Variants in ABI3BP observed in about 807,000 individuals in gnomAD.
ABI3BP encodes target of Nesh-SH3.
A neutral mutation model predicts 268.6 loss-of-function variants in ABI3BP; 216 were observed. The ratio of observed to expected loss-of-function variants is 0.80; its 90% confidence interval spans 0.72 to 0.90. The LOEUF (loss-of-function observed/expected upper bound fraction) is 0.90, where lower values mean the gene tolerates loss of function less well. Among genes scored for constraint, ABI3BP ranks in the 40% least tolerant of loss-of-function variants. The pLI is 0.00. For missense variants in ABI3BP, 2,090 were observed against 2,182.4 expected, an observed-to-expected ratio of 0.96 and a Z score of 0.84; for synonymous variants, 730 against 730.0, an observed-to-expected ratio of 1.00 and a Z score of 0.00.
At chr3:100,894,789 A>AT (rs1382936890) in intron 4 of ABI3BP, among the ~76,000 whole-genome samples, 2 of 151,790 alleles carry the variant, frequency 1.3e-5, no homozygotes, top group Non-Finnish European at 2.9e-5. Context: ...AATACAAAAA[A>AT]TTAGCTAGGC....
chr3:100,766,965 T>C (rs2096297956), intron 62 of ABI3BP, among the ~76,000 whole-genome samples: 1 of 152,146 alleles, frequency 6.6e-6, no homozygotes, highest in Non-Finnish European at 1.5e-5. Context: ...AATAAAAAAC[T>C]AGAATAACCC....
In ABI3BP at chr3:100,993,321, G is replaced by A; in HGVS notation, c.64C>T (p.Gln22Ter). 3 of 1,551,560 alleles carry A rather than the reference G, an allele frequency of 1.9e-6. No individual in the cohort carries two copies. The highest frequency in any genetic ancestry group is 2.4e-5 in the East Asian group (1 of 40,954). ...GSITLALGNA[Q>*]KLPKGKRPNL... ...GGCTACTTGCCTTTTGGCAATTTCT[G>A]TGCATTTCCCAGGGCTAGTGTAATA... is the stretch of plus-strand genomic sequence containing the variant. Residue 22 changes from glutamine to a stop codon, truncating the protein, a stop_gained, in exon 1 of 68, where the codon CAG becomes TAG. Coordinates refer to ENST00000471714, the MANE Select transcript of ABI3BP (RefSeq NM_001375547.2). LOFTEE classifies it high-confidence loss of function.
chr3:100,919,769 T>A (rs2059699498), intron 2 of ABI3BP, among the ~76,000 whole-genome samples: 1 of 152,214 alleles, frequency 6.6e-6, no homozygotes, highest in Admixed American at 6.5e-5. Context: ...TTGCTAAAAA[T>A]TGCTTTATTT....
chr3:100,758,760 T>C (rs1262586004), intron 63 of ABI3BP, among the ~76,000 whole-genome samples: 1 of 152,070 alleles, frequency 6.6e-6, no homozygotes, highest in South Asian at 2.1e-4. Context: ...AAAATCAGCA[T>C]GAGAACAAAA....
intron 1 of ABI3BP, among the ~76,000 whole-genome samples, chr3:100,985,141 C>CTTTTT (rs1172049956): frequency 1.5e-4 from 12 of 79,830 alleles, no homozygotes; most frequent in East Asian, 3.4e-4. Context: ...CAGAAAAGCA[C>CTTTTT]TTTTTTTTTT....
At chr3:100,804,112 A>C (rs990404914) in intron 51 of ABI3BP, among the ~76,000 whole-genome samples, 4 of 152,166 alleles carry the variant, frequency 2.6e-5, no homozygotes, top group Non-Finnish European at 5.9e-5. Flanking sequence ...TTTTTAGAGA[A>C]AGTTGTTCAG....
At chr3:100,863,034 G>GTAGTATTT (rs1370236496) in intron 12 of ABI3BP, 125 bp from the exon 13 acceptor site, 2 of 647,264 alleles carry the variant, frequency 3.1e-6, no homozygotes, top group Non-Finnish European at 5.3e-6. Context: ...GAGACCATTA[G>GTAGTATTT]TAGTATTTCT....
At chr3:100,914,829 C>A (rs1215081634) in intron 2 of ABI3BP, among the ~76,000 whole-genome samples, 1 of 152,168 alleles carries the variant, frequency 6.6e-6, no homozygotes, top group African/African-American at 2.4e-5. Flanking sequence ...GAAGAAAAGA[C>A]ACACTTTTTC....
intron 63 of ABI3BP, among the ~76,000 whole-genome samples, chr3:100,757,541 A>G (rs2095688568): frequency 7.1e-6 from 1 of 140,938 alleles, no homozygotes; most frequent in Non-Finnish European, 1.7e-5. Flanking sequence ...ATCAAAGTAA[A>G]ACAACTTTTA....
intron 1 of ABI3BP, among the ~76,000 whole-genome samples, chr3:100,954,349 G>T (rs982850213): frequency 6.6e-6 from 1 of 152,054 alleles, no homozygotes; most frequent in Non-Finnish European, 1.5e-5. Context: ...AAAGAAGGCT[G>T]GGAATCATGA....
At chr3:100,896,373 C>A (rs776796782) in intron 4 of ABI3BP, among the ~76,000 whole-genome samples, 2 of 152,118 alleles carry the variant, frequency 1.3e-5, no homozygotes, top group African/African-American at 4.8e-5. Context: ...ACCATGGCAA[C>A]ATCTATCAAT....
chr3:100,834,605 T>C (rs1256762440), intron 29 of ABI3BP, 79 bp downstream of exon 29: 1 of 1,354,288 alleles, frequency 7.4e-7, no homozygotes, highest in Non-Finnish European at 1.0e-6. Flanking sequence ...AAGTGGGTTA[T>C]AAAGTGGCAT....
At chr3:100,923,962 C>T (rs1213186021) in intron 2 of ABI3BP, among the ~76,000 whole-genome samples, 1 of 152,142 alleles carries the variant, frequency 6.6e-6, no homozygotes, top group East Asian at 1.9e-4. Flanking sequence ...TTATGCACCT[C>T]TTTTTGTGAG....
chr3:100,940,927 G>A (rs1032598241), intron 1 of ABI3BP, among the ~76,000 whole-genome samples: 7 of 142,300 alleles, frequency 4.9e-5, no homozygotes, highest in Non-Finnish European at 9.1e-5. Flanking sequence ...GTGGACAGAT[G>A]GCATCCCTAT....
chr3:100,752,825 G>A lies in ABI3BP; in HGVS notation c.5084C>T (p.Ser1695Phe). 6.2e-7 allele frequency: 1 copy of A among 1,613,406 alleles called. No individual in the cohort carries two copies. The highest frequency in any genetic ancestry group is 8.5e-7 in the Non-Finnish European group (1 of 1,179,678). ...KKFVGVQLCN[S>F]LRYKIYLSDS... is the part of the protein sequence containing the mutation. ...GCTCAAGTAAATCTTGTATCTGAGA[G>A]AGTTGCACAGCTGCACTCCTACAAA... The change falls in exon 66 of 68, where the codon TCT (serine) becomes TTT (phenylalanine). Residue 1695 changes from serine to phenylalanine, a missense_variant. Physicochemically the swap from Ser to Phe is radical, Grantham distance 155 (BLOSUM62 -2). Transcript: ENST00000471714.
chr3:100,845,083 A>T (rs1413250811), intron 20 of ABI3BP, among the ~76,000 whole-genome samples: 1 of 152,220 alleles, frequency 6.6e-6, no homozygotes, highest in African/African-American at 2.4e-5. Flanking sequence ...GAAATAATTC[A>T]TTTGAGAGAA....
chr3:100,905,866 T>C (rs1259879717), intron 2 of ABI3BP, among the ~76,000 whole-genome samples: 1 of 152,080 alleles, frequency 6.6e-6, no homozygotes, highest in East Asian at 1.9e-4. Flanking sequence ...AATAAATAAA[T>C]AAAATCATGA....
intron 27 of ABI3BP, among the ~76,000 whole-genome samples, chr3:100,836,059 TAGAA>T (rs1269942408): frequency 1.3e-5 from 2 of 152,176 alleles, no homozygotes; most frequent in Non-Finnish European, 2.9e-5. Context: ...TGAGGAGAAT[TAGAA>T]AGATGTTTTC....
chr3:100,787,772 C>A lies in ABI3BP; in HGVS notation c.4118G>T (p.Arg1373Met), dbSNP rs1187654199. The A allele has an allele frequency of 6.5e-7, 1 of 1,532,076 alleles. No individual in the cohort carries two copies. The highest frequency in any genetic ancestry group is 2.0e-5 in the Admixed American group (1 of 50,414). The allele number at this position is 1,532,076 out of a possible 1,614,324, so 94.9% of individuals were successfully genotyped here. ...VLNRTTTRPT[R>M]PKPSGMPSGN... ...ACTGGGCATCCCACTGGGTTTGGGC[C>A]TAGTAGGTCTTGTAGTTGTCCTATT... The change falls in exon 57 of 68, where the codon AGG (arginine) becomes ATG (methionine). Residue 1373 changes from arginine to methionine, a missense_variant. Transcript: ENST00000471714.
Sources: gnomAD v4.1 joint callset for allele counts (sites outside exome capture counted in the v4.1 genomes callset) on GRCh38, gnomAD v4.1.1 for gene constraint, MANE v1.5 for transcripts, NCBI Gene and HGNC (gene_info 2026-07-23, HGNC 2026-07-21) for gene names.